SUPT20H: variants seen among roughly 807,000 people sequenced by gnomAD.
The protein encoded by SUPT20H is transcription factor SPT20 homolog.
Under a neutral mutation model 122.8 loss-of-function variants are expected in SUPT20H, and 82 were observed. The ratio of observed to expected loss-of-function variants is 0.67; its 90% CI spans 0.56 to 0.80. SUPT20H has a LOEUF of 0.80. SUPT20H is among the 30% of genes least tolerant of loss of function. The pLI is 0.00. For missense variants in SUPT20H, 831 were observed against 921.6 expected, an observed-to-expected ratio of 0.90 and a Z score of 1.27; for synonymous variants, 291 against 313.0, an observed-to-expected ratio of 0.93 and a Z score of 0.74.
chr13:37,030,865 G>C (rs2063171675), intron 12 of SUPT20H, among the ~76,000 whole-genome samples: 1 of 152,136 alleles, frequency 6.6e-6, no homozygotes, highest in South Asian at 2.1e-4. Context: ...GTCTACTGCT[G>C]CTTCTGGCTT....
chr13:37,018,800 G>GTGC (rs2060973052), intron 22 of SUPT20H, among the ~76,000 whole-genome samples: 1 of 152,172 alleles, frequency 6.6e-6, no homozygotes, highest in Admixed American at 6.5e-5. Context: ...GGGATTACAG[G>GTGC]TGCATGCTAC....
rs773380105 is a variant in SUPT20H at position 37,031,844 on chromosome 13, A to G, written c.759T>C (p.Ser253=). Reference sequence around the variant, plus strand: ...TCAGCTGAGGAGGAGGTGGACAATGAGATAGATCTTGCTGCCGATTCAGAG... The same window carrying G: ...TCAGCTGAGGAGGAGGTGGACAATGGGATAGATCTTGCTGCCGATTCAGAG... The part of the protein sequence containing the change: ...RSSLNRQQDL[S]HCPPPPQLRL... Residue 253 remains serine (S), a synonymous_variant, in exon 11 of 26, where the codon TCT becomes TCC. Transcript: ENST00000350612. 6.2e-7 allele frequency: 1 copy of G among 1,606,748 alleles called. No individual in the cohort carries two copies. Among genetic ancestry groups the G allele is most frequent in the Admixed American group, 1.7e-5 (1 of 58,114 alleles).
intron 5 of SUPT20H, among the ~76,000 whole-genome samples, 168 bp from the exon 6 acceptor site, chr13:37,045,541 C>T (rs1487386790): frequency 6.6e-6 from 1 of 152,080 alleles, no homozygotes; most frequent in Non-Finnish European, 1.5e-5. Context: ...ACGTATGGGA[C>T]AGCTATGTAA....
chr13:37,020,888 T>G (rs193044162), intron 21 of SUPT20H, among the ~76,000 whole-genome samples: 2 of 152,220 alleles, frequency 1.3e-5, no homozygotes, highest in African/African-American at 4.8e-5. Flanking sequence ...AAAGAATGCT[T>G]ATCATGTCTC....
In SUPT20H at chr13:37,045,317, T is replaced by C. The variant is rs1193572762; in HGVS notation, c.222A>G (p.Ser74=). Reference sequence around the variant, plus strand: ...CTGGGTATAGATTGACCACTAAACATGACAAAGTCTCTTGCATAACAAGCT... The same window carrying C: ...CTGGGTATAGATTGACCACTAAACACGACAAAGTCTCTTGCATAACAAGCT... ...LEKLVMQETL[S]CLVVNLYPGN... The change falls in exon 6 of 26, where the codon TCA becomes TCG. Residue 74 remains serine (S), a synonymous_variant. Coordinates refer to ENST00000350612, the MANE Select transcript of SUPT20H (RefSeq NM_001014286.3). 1 of 1,613,738 alleles carries C rather than the reference T, an allele frequency of 6.2e-7. No individual in the cohort carries two copies. Among genetic ancestry groups the C allele is most frequent in the Non-Finnish European group, 8.5e-7 (1 of 1,179,764 alleles).
At chr13:37,049,693 C>T (rs1423209381) in intron 2 of SUPT20H, among the ~76,000 whole-genome samples, 4 of 152,056 alleles carry the variant, frequency 2.6e-5, no homozygotes, top group Admixed American at 6.6e-5. Context: ...GAGCCCAGAT[C>T]GTGCTATTGT....
intron 9 of SUPT20H, among the ~76,000 whole-genome samples, chr13:37,036,327 G>GTTTTTTTT (rs35437054): frequency 7.9e-6 from 1 of 126,278 alleles, no homozygotes. Context: ...TTAAACTGGA[G>GTTTTTTTT]TTTTTTTTTT....
chr13:37,037,449 A>G lies in SUPT20H; in HGVS notation c.567+2956T>C, dbSNP rs1320866191. Among the ~76,000 whole-genome samples the G allele has an allele frequency of 3.3e-5, 5 of 152,354 alleles. No individual in the cohort carries two copies. The East Asian group carries it at 9.7e-4, about 29-fold the overall frequency. On this transcript the variant is annotated intron_variant, in intron 9 of 25. Transcript: ENST00000350612. Reference sequence around the variant, plus strand: ...AGTGCTCTGGAATCAAACCCACAGTAACTCCGAGGTATGACTATAATTTGT... The same window carrying G: ...AGTGCTCTGGAATCAAACCCACAGTGACTCCGAGGTATGACTATAATTTGT...
At chr13:37,012,415 A>C (rs1298400134) in intron 23 of SUPT20H, 118 bp from the exon 24 acceptor site, 1 of 640,920 alleles carries the variant, frequency 1.6e-6, no homozygotes, top group Non-Finnish European at 2.7e-6. Context: ...GTCTTGTAAA[A>C]AGAATAACAA....
intron 13 of SUPT20H, among the ~76,000 whole-genome samples, 195 bp from the exon 14 acceptor site, chr13:37,028,500 G>A (rs1047754891): frequency 2.0e-5 from 3 of 151,904 alleles, no homozygotes; most frequent in African/African-American, 7.3e-5. Flanking sequence ...AAACTATATG[G>A]GCACTCAGCA....
intron 5 of SUPT20H, 101 bp downstream of exon 5, chr13:37,047,434 A>G: frequency 8.1e-7 from 1 of 1,239,508 alleles, no homozygotes; most frequent in Non-Finnish European, 1.1e-6. Context: ...AAAAGATGTT[A>G]GTTCACTCAC....
intron 9 of SUPT20H, chr13:37,038,130 T>G (rs1275374056): frequency 6.6e-6 from 1 of 152,088 alleles, no homozygotes; most frequent in Non-Finnish European, 1.5e-5. Flanking sequence ...AATAATTGAC[T>G]GTCTCATCTT....
intron 7 of SUPT20H, 57 bp downstream of exon 7, chr13:37,044,021 T>A: frequency 9.3e-7 from 1 of 1,071,946 alleles, no homozygotes; most frequent in East Asian, 2.6e-5. Context: ...ATGTGACATA[T>A]ATATATCATA....
intron 6 of SUPT20H, among the ~76,000 whole-genome samples, chr13:37,044,623 T>C (rs920838516): frequency 6.6e-6 from 1 of 152,222 alleles, no homozygotes; most frequent in African/African-American, 2.4e-5. Context: ...AAATTCCAGC[T>C]ATGTGAGTTC....
At chr13:37,035,273 C>G (rs2064122856) in intron 9 of SUPT20H, among the ~76,000 whole-genome samples, 1 of 152,162 alleles carries the variant, frequency 6.6e-6, no homozygotes, top group South Asian at 2.1e-4. Flanking sequence ...GTAGATGACA[C>G]TAAGAACATG....
intron 23 of SUPT20H, among the ~76,000 whole-genome samples, chr13:37,015,724 TACACTC>T (rs976837421): frequency 5.9e-5 from 9 of 152,294 alleles, no homozygotes; most frequent in East Asian, 3.9e-4. Flanking sequence ...GAGATAATTG[TACACTC>T]ACACTCACAC....
intron 4 of SUPT20H, 85 bp downstream of exon 4, chr13:37,047,793 G>A (rs1192981986): frequency 7.3e-7 from 1 of 1,377,144 alleles, no homozygotes; most frequent in East Asian, 2.5e-5. Flanking sequence ...AAAATTTCTA[G>A]CTCAGTCCCT....
rs1489495952 is a variant in SUPT20H, at chr13:37,009,484, C to G, written c.*188G>C. The G allele has an allele frequency of 4.8e-6, 4 of 840,024 alleles. No homozygotes were observed. The highest frequency in any genetic ancestry group is 1.7e-5 in the African/African-American group (1 of 58,064). 52.0% of individuals were successfully genotyped at this position (840,024 alleles called of 1,614,324 possible). On this transcript the variant is annotated 3_prime_UTR_variant, in exon 26 of 26. Coordinates refer to ENST00000350612, the MANE Select transcript of SUPT20H (RefSeq NM_001014286.3). ...TTTAAAAAGCAATGACTTAGGCAAACCAACCCTAGTTTGTTAAACCATTTC... is the reference window on the plus strand; with the variant it reads ...TTTAAAAAGCAATGACTTAGGCAAAGCAACCCTAGTTTGTTAAACCATTTC...
At chr13:37,040,271 G>A in intron 9 of SUPT20H, 134 bp downstream of exon 9, 1 of 777,552 alleles carries the variant, frequency 1.3e-6, no homozygotes, top group South Asian at 2.2e-5. Context: ...TCTTATAAAG[G>A]AATACCAGCT....
Sources: allele counts gnomAD v4.1 joint callset (sites outside exome capture counted in the v4.1 genomes callset), GRCh38; gene constraint gnomAD v4.1.1; transcripts MANE v1.5; gene names NCBI Gene and HGNC (gene_info 2026-07-23, HGNC 2026-07-21).